Variants in WDR44 observed in about 807,000 individuals in gnomAD.
WDR44 encodes the protein WD repeat domain 44.
In WDR44, 9 loss-of-function variants were observed where a neutral mutation model predicts 65.7. The observed-to-expected ratio is 0.14, with a 90% CI of 0.08 to 0.24. WDR44 has a LOEUF of 0.24. Among genes scored for constraint, WDR44 ranks in the 10% least tolerant of loss-of-function variants. The pLI is 1.00. For synonymous variants in WDR44, 220 were observed against 235.2 expected (o/e 0.94, Z 0.59); for missense variants, 425 against 670.9 (o/e 0.63, Z 4.05).
chrX:118,442,828 C>T, intron 17 of WDR44, 148 bp downstream of exon 17: 1 of 443,103 alleles, frequency 2.3e-6, no homozygotes, highest in Non-Finnish European at 3.9e-6. Context: ...ACCTTGTCCA[C>T]CTATATAGTA....
chrX:118,357,490 A>G (rs2056471274), intron 1 of WDR44, among the ~76,000 whole-genome samples: 1 of 108,606 alleles, frequency 9.2e-6, no homozygotes, highest in South Asian at 4.1e-4. Flanking sequence ...GTAGTTCACT[A>G]ATAGAATTTA....
intron 19 of WDR44, chrX:118,447,032 A>ATTTTTTTTTTTTTTTTTTTTTTTTTTTT: frequency 3.6e-6 from 1 of 276,359 alleles, no homozygotes; most frequent in East Asian, 1.1e-4. Flanking sequence ...TGCCTGGCTA[A>ATTTTTTTTTTTTTTTTTTTTTTTTTTTT]TTTTTTTTTT....
intron 2 of WDR44, among the ~76,000 whole-genome samples, chrX:118,383,720 C>CTTTT (rs531607075): frequency 1.2e-5 from 1 of 84,469 alleles, no homozygotes; most frequent in African/African-American, 4.5e-5. Context: ...TCCAAGTATT[C>CTTTT]TTTTTTTTTT....
chrX:118,426,435 C>T (rs1327111774), intron 12 of WDR44, among the ~76,000 whole-genome samples: 1 of 111,797 alleles, frequency 8.9e-6, no homozygotes, highest in Non-Finnish European at 1.9e-5. Flanking sequence ...GGCATGGTGG[C>T]TCATGCTTGT....
intron 12 of WDR44, among the ~76,000 whole-genome samples, chrX:118,416,616 C>G (rs2057059418): frequency 9.0e-6 from 1 of 111,292 alleles, no homozygotes; most frequent in Non-Finnish European, 1.9e-5. Flanking sequence ...TATGGTCTAT[C>G]TTGGAGAAGG....
intron 12 of WDR44, among the ~76,000 whole-genome samples, chrX:118,422,645 C>T (rs1013433948): frequency 3.8e-5 from 4 of 104,315 alleles, no homozygotes; most frequent in African/African-American, 1.4e-4. Context: ...GAGCCAAGAT[C>T]GCACCATTGC....
chrX:118,386,158 GC>G (rs1489157012), intron 2 of WDR44, among the ~76,000 whole-genome samples: 4 of 111,203 alleles, frequency 3.6e-5, no homozygotes, highest in Non-Finnish European at 7.5e-5. Context: ...TAATTAATGT[GC>G]CTTGAGTCCT....
intron 12 of WDR44, among the ~76,000 whole-genome samples, chrX:118,429,557 C>T (rs886945835): frequency 1.9e-5 from 2 of 104,185 alleles, no homozygotes; most frequent in Non-Finnish European, 3.9e-5. Flanking sequence ...CCACTGCACT[C>T]CAGCCTGGGT....
At chrX:118,356,967 C>T (rs1025950433) in intron 1 of WDR44, among the ~76,000 whole-genome samples, 4 of 107,000 alleles carry the variant, frequency 3.7e-5, no homozygotes, top group African/African-American at 1.0e-4. Flanking sequence ...CCTCAGCCTC[C>T]GGAGTAGCTG....
At chrX:118,422,981 G>A (rs1602955081) in intron 12 of WDR44, among the ~76,000 whole-genome samples, 1 of 110,862 alleles carries the variant, frequency 9.0e-6, no homozygotes, top group Non-Finnish European at 1.9e-5. Context: ...TTGAGGTCTG[G>A]GACTATGTCT....
chrX:118,399,366 A>G (rs943013658), intron 8 of WDR44, among the ~76,000 whole-genome samples: 3 of 112,153 alleles, frequency 2.7e-5, no homozygotes, highest in Non-Finnish European at 5.6e-5. Flanking sequence ...ATTGATAATA[A>G]TTAACTCTAA....
chrX:118,369,337 A>C (rs1283187562), intron 1 of WDR44, among the ~76,000 whole-genome samples: 1 of 105,782 alleles, frequency 9.5e-6, no homozygotes, highest in Non-Finnish European at 1.9e-5. Context: ...ATGCCCGGCT[A>C]ATTTTTTGTG....
intron 19 of WDR44, chrX:118,447,148 C>G (rs1209949766): frequency 3.3e-6 from 1 of 298,702 alleles, no homozygotes; most frequent in Non-Finnish European, 6.3e-6. Context: ...ACTGGGATTA[C>G]AGGCATGAGA....
intron 1 of WDR44, among the ~76,000 whole-genome samples, chrX:118,362,973 G>A (rs2147668600): frequency 9.2e-6 from 1 of 108,744 alleles, no homozygotes; most frequent in East Asian, 2.9e-4. Context: ...ACAGTTGTGA[G>A]ATTTAAATAC....
chrX:118,379,479 A>G (rs974396313), intron 2 of WDR44, among the ~76,000 whole-genome samples: 5 of 111,679 alleles, frequency 4.5e-5, no homozygotes, highest in African/African-American at 1.6e-4. Context: ...AGTTGGGGGT[A>G]ACTACTCATA....
At position 118,429,652 on chromosome X, in the gene WDR44, A is replaced by G. The variant is rs1331099009; in HGVS notation, c.1738-3129A>G. On this transcript the variant is annotated intron_variant, in intron 12 of 19. Transcript: ENST00000254029. ...ATAAAGATTCAAAGATTCATGTTCC[A>G]GGGCATTCATTGAATTGCTGGGTTT... Among the ~76,000 whole-genome samples the G allele has an allele frequency of 2.7e-5, 3 of 110,348 alleles. No individual in the cohort carries two copies. The East Asian group carries it at 8.4e-4, about 31-fold the overall frequency.
chrX:118,382,416 G>T (rs1005296253), intron 2 of WDR44, among the ~76,000 whole-genome samples: 1 of 111,755 alleles, frequency 8.9e-6, no homozygotes, highest in African/African-American at 3.3e-5. Context: ...ATATGACAGC[G>T]ATTTAAGAGT....
intron 12 of WDR44, among the ~76,000 whole-genome samples, chrX:118,418,971 C>G (rs1401193132): frequency 9.0e-6 from 1 of 110,563 alleles, no homozygotes; most frequent in Non-Finnish European, 1.9e-5. Flanking sequence ...CGGGGGAAAG[C>G]TGGCAGTCAC....
chrX:118,365,878 A>G (rs1462602425), intron 1 of WDR44, among the ~76,000 whole-genome samples: 1 of 112,115 alleles, frequency 8.9e-6, no homozygotes, highest in Non-Finnish European at 1.9e-5. Flanking sequence ...CATCAAATCA[A>G]TCTGTCTGTA....
Sources: gnomAD v4.1 joint callset for allele counts (sites outside exome capture counted in the v4.1 genomes callset) on GRCh38, gnomAD v4.1.1 for gene constraint, MANE v1.5 for transcripts, NCBI Gene and HGNC (gene_info 2026-07-23, HGNC 2026-07-21) for gene names.